The following RIMS2 variants were observed in gnomAD, a reference collection of about 807,000 sequenced individuals.
The protein encoded by RIMS2 is regulating synaptic membrane exocytosis protein 2.
RIMS2 carries 59 observed loss-of-function variants against 174.4 expected under a neutral mutation model. The ratio of observed to expected loss-of-function variants is 0.34; its 90% CI spans 0.27 to 0.42. The LOEUF (loss-of-function observed/expected upper bound fraction) is 0.42, where lower values mean the gene tolerates loss of function less well. Among genes scored for constraint, RIMS2 ranks in the 10% least tolerant of loss-of-function variants. RIMS2 has a pLI of 1.00. For synonymous variants in RIMS2, 606 were observed against 572.5 expected, an observed-to-expected ratio of 1.06 and a Z score of -0.84; for missense variants, 1,620 against 1,666.3, an observed-to-expected ratio of 0.97 and a Z score of 0.48.
intron 3 of RIMS2, among the ~76,000 whole-genome samples, chr8:103,846,730 C>T (rs1203127907): frequency 2.0e-5 from 3 of 152,130 alleles, no homozygotes; most frequent in Non-Finnish European, 4.4e-5. Context: ...GGCACAGGTC[C>T]TCCAGGATTC....
At chr8:104,009,803 A>G (rs2154553367) in intron 17 of RIMS2, among the ~76,000 whole-genome samples, 1 of 152,302 alleles carries the variant, frequency 6.6e-6, no homozygotes, top group South Asian at 2.1e-4. Flanking sequence ...TACTTATGAC[A>G]TCTTTCCAAT....
intron 1 of RIMS2, among the ~76,000 whole-genome samples, chr8:103,530,309 GTATT>G (rs1836406250): frequency 6.6e-6 from 1 of 151,932 alleles, no homozygotes; most frequent in Non-Finnish European, 1.5e-5. Context: ...ATAATAAAAA[GTATT>G]TAATTAATTA....
At chr8:104,253,411 T>C (rs1019243873), downstream of RIMS2, 35 of 152,300 alleles carry the variant, frequency 2.3e-4, no homozygotes, top group Non-Finnish European at 1.9e-4. Context: ...ATTCAATTTT[T>C]CACAAATTAT....
intron 1 of RIMS2, among the ~76,000 whole-genome samples, chr8:103,658,732 G>T (rs1365283): frequency 0.78 from 118,655 of 152,110 alleles, 46,593 homozygotes; most frequent in East Asian, 0.88. Context: ...CTCTTTTCAT[G>T]AAGTGTCCAG....
intron 19 of RIMS2, among the ~76,000 whole-genome samples, chr8:104,164,752 G>T (rs2098786599): frequency 6.6e-6 from 1 of 152,164 alleles, no homozygotes; most frequent in Admixed American, 6.5e-5. Flanking sequence ...GGTAAATGAT[G>T]AGGACTCATG....
intron 14 of RIMS2, among the ~76,000 whole-genome samples, chr8:103,956,200 T>C (rs1410712102): frequency 1.3e-5 from 2 of 152,290 alleles, no homozygotes; most frequent in South Asian, 2.1e-4. Context: ...CATTTAATGC[T>C]ATCCCAATCA....
intron 17 of RIMS2, among the ~76,000 whole-genome samples, chr8:104,002,773 C>A (rs1167177275): frequency 1.3e-5 from 2 of 152,086 alleles, no homozygotes; most frequent in South Asian, 4.1e-4. Context: ...GTCTCTCTAC[C>A]CTGGGGTATA....
At chr8:104,200,737 C>T (rs888198880) in intron 19 of RIMS2, among the ~76,000 whole-genome samples, 5 of 152,110 alleles carry the variant, frequency 3.3e-5, no homozygotes, top group African/African-American at 9.7e-5. Flanking sequence ...GAAACCCAAT[C>T]TCTACAGAAA....
chr8:103,851,089 C>T (rs2098995195), intron 3 of RIMS2, among the ~76,000 whole-genome samples: 1 of 151,802 alleles, frequency 6.6e-6, no homozygotes, highest in Admixed American at 6.6e-5. Flanking sequence ...TATATTCAGG[C>T]ATAAAGGGAA....
At chr8:103,676,140 A>G (rs986907407) in intron 1 of RIMS2, among the ~76,000 whole-genome samples, 7 of 152,212 alleles carry the variant, frequency 4.6e-5, no homozygotes, top group African/African-American at 2.4e-5. Context: ...TGTAAATTTA[A>G]AACAATGGTA....
At chr8:103,510,869 A>C (rs1826126755) in intron 1 of RIMS2, among the ~76,000 whole-genome samples, 1 of 152,190 alleles carries the variant, frequency 6.6e-6, no homozygotes, top group Admixed American at 6.5e-5. Context: ...TTAGGACAGA[A>C]CATCTTTGGG....
intron 3 of RIMS2, among the ~76,000 whole-genome samples, chr8:103,797,794 G>A (rs1564676752): frequency 6.6e-6 from 1 of 152,160 alleles, no homozygotes; most frequent in Non-Finnish European, 1.5e-5. Context: ...TTGCTTGAAT[G>A]TCTTGCTTTT....
At chr8:103,639,410 T>C (rs2096173944) in intron 1 of RIMS2, among the ~76,000 whole-genome samples, 1 of 151,912 alleles carries the variant, frequency 6.6e-6, no homozygotes, top group South Asian at 2.1e-4. Context: ...TAGAATAGTT[T>C]CAACACTCTA....
intron 1 of RIMS2, among the ~76,000 whole-genome samples, chr8:103,631,640 A>G (rs1389417453): frequency 3.9e-5 from 6 of 152,198 alleles, no homozygotes; most frequent in Non-Finnish European, 8.8e-5. Context: ...TGTGAATTTT[A>G]AAATAGATTG....
intron 1 of RIMS2, among the ~76,000 whole-genome samples, chr8:103,629,422 A>G (rs779291528): frequency 3.3e-5 from 5 of 152,242 alleles, no homozygotes; most frequent in African/African-American, 4.8e-5. Flanking sequence ...GGGATAACAC[A>G]TAAGTGGGGC....
At chr8:103,835,278 T>G (rs2098872804) in intron 3 of RIMS2, among the ~76,000 whole-genome samples, 1 of 151,822 alleles carries the variant, frequency 6.6e-6, no homozygotes, top group South Asian at 2.1e-4. Context: ...ATTTTTTGTC[T>G]TTTTAGTAGA....
At chr8:103,792,867 C>T (rs1483761396) in intron 3 of RIMS2, among the ~76,000 whole-genome samples, 5 of 151,864 alleles carry the variant, frequency 3.3e-5, no homozygotes, top group Non-Finnish European at 7.4e-5. Context: ...ATACACCTTC[C>T]GAAGACTAAA....
intron 14 of RIMS2, among the ~76,000 whole-genome samples, chr8:103,957,932 G>A (rs1432614777): frequency 1.3e-5 from 2 of 152,148 alleles, no homozygotes; most frequent in Non-Finnish European, 2.9e-5. Flanking sequence ...GGAGAAAAGG[G>A]AACACTTACA....
At chr8:103,535,948 A>G (rs1260231567) in intron 1 of RIMS2, among the ~76,000 whole-genome samples, 4 of 152,226 alleles carry the variant, frequency 2.6e-5, no homozygotes, top group Admixed American at 6.5e-5. Context: ...AAGTAATTAC[A>G]GTAGCAGGTA....
Sources: gnomAD v4.1 joint callset for allele counts (sites outside exome capture counted in the v4.1 genomes callset) on GRCh38, gnomAD v4.1.1 for gene constraint, MANE v1.5 for transcripts, NCBI Gene and HGNC (gene_info 2026-07-23, HGNC 2026-07-21) for gene names.